SP3: variants seen among roughly 807,000 people sequenced by gnomAD.
SP3 encodes Sp3 transcription factor, also known as transcription factor Sp3.
In SP3, 10 loss-of-function variants were observed where a neutral mutation model predicts 70.3. That is an observed-to-expected ratio of 0.14 (90% CI 0.09 to 0.24). The LOEUF is 0.24. Ranked by LOEUF, SP3 falls within the 10% of genes least tolerant of loss-of-function variation. The probability of loss-of-function intolerance (pLI) is 1.00; values close to 1 mark genes in which losing one functional copy is unlikely to be tolerated. For missense variants in SP3, 825 were observed against 914.6 expected, an observed-to-expected ratio of 0.90 and a Z score of 1.26; for synonymous variants, 402 against 333.5, an observed-to-expected ratio of 1.21 and a Z score of -2.24.
At chr2:173,921,902 T>C (rs898413641) in intron 4 of SP3, among the ~76,000 whole-genome samples, 12 of 152,186 alleles carry the variant, frequency 7.9e-5, no homozygotes, top group Non-Finnish European at 4.4e-5. Flanking sequence ...CCTTCCCTCC[T>C]ACTCTTTCTC....
intron 4 of SP3, among the ~76,000 whole-genome samples, chr2:173,949,947 G>A (rs1690664760): frequency 6.6e-6 from 1 of 152,144 alleles, no homozygotes; most frequent in South Asian, 2.1e-4. Context: ...GCTTAAATTT[G>A]GGGGAAATTT....
intron 4 of SP3, among the ~76,000 whole-genome samples, chr2:173,936,813 T>A (rs1690221557): frequency 1.3e-5 from 2 of 149,328 alleles, no homozygotes; most frequent in African/African-American, 4.9e-5. Flanking sequence ...TTTTTTTTTT[T>A]AAACCTTGTT....
chr2:173,956,380 T>A (rs1460242385), intron 3 of SP3, 148 bp from the exon 4 acceptor site: 6 of 746,824 alleles, frequency 8.0e-6, no homozygotes, highest in Non-Finnish European at 1.2e-5. Flanking sequence ...CAGTACTATA[T>A]GAACTACAAT....
At chr2:173,940,697 G>A (rs1690348250) in intron 4 of SP3, among the ~76,000 whole-genome samples, 1 of 152,100 alleles carries the variant, frequency 6.6e-6, no homozygotes, top group African/African-American at 2.4e-5. Context: ...ATTCAAGCAG[G>A]CACCCAGTAC....
At chr2:173,930,641 A>G (rs1690042119) in intron 4 of SP3, among the ~76,000 whole-genome samples, 2 of 152,176 alleles carry the variant, frequency 1.3e-5, no homozygotes, top group South Asian at 4.1e-4. Context: ...TTGCCTTCCA[A>G]GTTACTGCAC....
At chr2:173,943,864 T>C (rs1690450660) in intron 4 of SP3, among the ~76,000 whole-genome samples, 1 of 152,244 alleles carries the variant, frequency 6.6e-6, no homozygotes, top group Non-Finnish European at 1.5e-5. Context: ...ACAGTCTTTC[T>C]TACACAAACC....
chr2:173,955,081 C>T lies in SP3; in HGVS notation c.1431G>A (p.Leu477=). ...QVQGVQNLQN[L]QIQNTAAQQI... The stretch of plus-strand genomic sequence containing the variant: ...GTTGGGCAGCAGTATTCTGTATTTG[C>T]AAATTCTGCAAGTTCTGGACCCCTT... Residue 477 remains leucine (L), a synonymous_variant, in exon 4 of 7, where the codon TTG becomes TTA. Transcript: ENST00000310015. The T allele has an allele frequency of 6.2e-7, 1 of 1,614,190 alleles. No homozygotes were observed. The highest frequency in any genetic ancestry group is 2.2e-5 in the East Asian group (1 of 44,890).
At chr2:173,922,744 C>T (rs900265089) in intron 4 of SP3, among the ~76,000 whole-genome samples, 1 of 152,094 alleles carries the variant, frequency 6.6e-6, no homozygotes, top group African/African-American at 2.4e-5. Flanking sequence ...AAGAAATGAT[C>T]CTTGGATATA....
At chr2:173,948,437 A>G (rs1233681463) in intron 4 of SP3, among the ~76,000 whole-genome samples, 2 of 152,128 alleles carry the variant, frequency 1.3e-5, no homozygotes, top group Admixed American at 1.3e-4. Context: ...ACTCATTACC[A>G]TATAGTAAAA....
chr2:173,952,233 T>G (rs1690730557), intron 4 of SP3, among the ~76,000 whole-genome samples: 1 of 152,090 alleles, frequency 6.6e-6, no homozygotes. Context: ...CTCACAGAAC[T>G]GCATAACTGA....
At chr2:173,965,541 G>GT, upstream of SP3, 2 of 245,630 alleles carry the variant, frequency 8.1e-6, no homozygotes, top group Non-Finnish European at 1.6e-5. Context: ...GGCAGCGTAG[G>GT]TTTTCGAGAG....
At position 173,907,687 on chromosome 2, in the gene SP3, A is replaced by G. The variant is rs1207435229; in HGVS notation, c.*2254T>C. 1 of 152,136 alleles carries G rather than the reference A, an allele frequency of 6.6e-6. No individual in the cohort carries two copies. The highest frequency in any genetic ancestry group is 2.4e-5 in the African/African-American group (1 of 41,456). 9.4% of individuals were successfully genotyped at this position (152,136 alleles called of 1,614,324 possible). On this transcript the variant is annotated 3_prime_UTR_variant, in exon 7 of 7. Coordinates refer to ENST00000310015, the MANE Select transcript of SP3 (RefSeq NM_003111.5). ...AATGGTTTAATCTGACTTAATGGGC[A>G]GTTTGCTCAAGTGAACCACCTGCTG...
chr2:173,949,378 A>T (rs974052211), intron 4 of SP3, among the ~76,000 whole-genome samples: 1 of 151,804 alleles, frequency 6.6e-6, no homozygotes, highest in Non-Finnish European at 1.5e-5. Context: ...AAAAAAAAAA[A>T]TCTGAAATAA....
At chr2:173,923,045 T>C (rs1347242082) in intron 4 of SP3, among the ~76,000 whole-genome samples, 2 of 152,172 alleles carry the variant, frequency 1.3e-5, no homozygotes, top group Non-Finnish European at 2.9e-5. Context: ...TGACTTAAAT[T>C]TGATTAATAT....
rs151009102 is a variant in SP3, at chr2:173,907,207, A to G, written c.*2734T>C. ...GCGTCCACTAAATGTTACAACAGGAATTATTTGTACATAAATATATTCAAT... is the reference window on the plus strand; with the variant it reads ...GCGTCCACTAAATGTTACAACAGGAGTTATTTGTACATAAATATATTCAAT... On this transcript the variant is annotated 3_prime_UTR_variant, in exon 7 of 7. Transcript: ENST00000310015. 2.1e-4 allele frequency: 32 copies of G among 152,252 alleles called. No homozygotes were observed. Among genetic ancestry groups the G allele is most frequent in the African/African-American group, 7.2e-4 (30 of 41,552 alleles). The allele number at this position is 152,252 out of a possible 1,614,324, so 9.4% of individuals were successfully genotyped here.
At chr2:173,947,538 T>G (rs140069253) in intron 4 of SP3, among the ~76,000 whole-genome samples, 3 of 152,338 alleles carry the variant, frequency 2.0e-5, no homozygotes, top group Admixed American at 2.0e-4. Flanking sequence ...GGGTTTCTCA[T>G]GTACAGGATT....
At chr2:173,923,209 G>T (rs931678050) in intron 4 of SP3, among the ~76,000 whole-genome samples, 2 of 151,972 alleles carry the variant, frequency 1.3e-5, no homozygotes, top group African/African-American at 4.8e-5. Context: ...ATGAGTTATT[G>T]CACTGACAGT....
At chr2:173,951,327 C>CA (rs1690707163) in intron 4 of SP3, among the ~76,000 whole-genome samples, 1 of 152,154 alleles carries the variant, frequency 6.6e-6, no homozygotes, top group African/African-American at 2.4e-5. Context: ...CTGACGTTCA[C>CA]AAAAAACTTC....
At chr2:173,963,697 G>T in intron 3 of SP3, 64 bp downstream of exon 3, 1 of 622,804 alleles carries the variant, frequency 1.6e-6, no homozygotes, top group Non-Finnish European at 2.0e-6. Flanking sequence ...TTGGGCAGGC[G>T]CGCCACGGGT....
Sources: allele counts gnomAD v4.1 joint callset (sites outside exome capture counted in the v4.1 genomes callset), GRCh38; gene constraint gnomAD v4.1.1; transcripts MANE v1.5; gene names NCBI Gene and HGNC (gene_info 2026-07-23, HGNC 2026-07-21).